The following FUT8 variants were observed in gnomAD, a reference collection of about 807,000 sequenced individuals.
FUT8 encodes the protein alpha-(1,6)-fucosyltransferase.
Under a neutral mutation model 71.3 loss-of-function variants are expected in FUT8, and 29 were observed. The ratio of observed to expected loss-of-function variants is 0.41; its 90% CI spans 0.30 to 0.55. FUT8 has a LOEUF of 0.55. Among genes scored for constraint, FUT8 ranks in the 20% least tolerant of loss-of-function variants. The probability of loss-of-function intolerance (pLI) is 0.34; values close to 1 mark genes in which losing one functional copy is unlikely to be tolerated. For synonymous variants in FUT8, 254 were observed against 239.3 expected (o/e 1.06, Z -0.57); for missense variants, 544 against 702.1 (o/e 0.77, Z 2.55).
intron 2 of FUT8, among the ~76,000 whole-genome samples, chr14:65,492,284 GC>G (rs1307822527): frequency 6.6e-6 from 1 of 152,126 alleles, no homozygotes; most frequent in Non-Finnish European, 1.5e-5. Context: ...CTTCAGTTTA[GC>G]CTAAAGGTTT....
At chr14:65,596,969 A>G (rs1888013730) in intron 3 of FUT8, among the ~76,000 whole-genome samples, 1 of 152,222 alleles carries the variant, frequency 6.6e-6, no homozygotes, top group African/African-American at 2.4e-5. Flanking sequence ...ATACCATAAA[A>G]TTGTTTACCA....
chr14:65,490,261 A>T (rs555984774), intron 2 of FUT8, among the ~76,000 whole-genome samples: 1 of 152,088 alleles, frequency 6.6e-6, no homozygotes. Context: ...ACTGGAGTCT[A>T]TGTATTTAAC....
intron 8 of FUT8, among the ~76,000 whole-genome samples, chr14:65,723,588 G>C (rs1175122691): frequency 6.6e-6 from 1 of 152,196 alleles, no homozygotes; most frequent in African/African-American, 2.4e-5. Flanking sequence ...CCGTTAAAAG[G>C]TTTGCTGGTC....
chr14:65,706,116 T>TA (rs1894539497), intron 7 of FUT8, among the ~76,000 whole-genome samples: 1 of 152,234 alleles, frequency 6.6e-6, no homozygotes, highest in Admixed American at 6.5e-5. Flanking sequence ...TAAAATAACT[T>TA]AATGAGTAAG....
chr14:65,733,339 T>C lies in FUT8; in HGVS notation c.1368T>C (p.Phe456=). Reference sequence around the variant, plus strand: ...GTGGAGTGATCCTGGATATACATTTTCTCTCTCAGGCAGACTTCCTAGTGT... The same window carrying C: ...GTGGAGTGATCCTGGATATACATTTCCTCTCTCAGGCAGACTTCCTAGTGT... The part of the protein sequence containing the change: ...SLRGVILDIH[F]LSQADFLVCT... Residue 456 remains phenylalanine, a synonymous_variant, in exon 10 of 11, where the codon TTT becomes TTC. Transcript: ENST00000673929. 1 of 1,606,708 alleles carries C rather than the reference T, an allele frequency of 6.2e-7. No homozygotes were observed. The highest frequency in any genetic ancestry group is 1.7e-4 in the Middle Eastern group (1 of 6,030).
chr14:65,739,670 T>C (rs1324934965), intron 10 of FUT8, among the ~76,000 whole-genome samples: 1 of 152,014 alleles, frequency 6.6e-6, no homozygotes, highest in Non-Finnish European at 1.5e-5. Flanking sequence ...AAAAGAAGAC[T>C]GTCAGGTTTA....
chr14:65,729,953 C>T (rs750319905), intron 9 of FUT8, among the ~76,000 whole-genome samples: 27 of 151,856 alleles, frequency 1.8e-4, no homozygotes, highest in East Asian at 5.8e-4. Flanking sequence ...AGTCGTTTCT[C>T]GGGGATTTAA....
At chr14:65,713,021 A>G (rs1894879796) in intron 7 of FUT8, among the ~76,000 whole-genome samples, 1 of 152,058 alleles carries the variant, frequency 6.6e-6, no homozygotes, top group Non-Finnish European at 1.5e-5. Flanking sequence ...GACTTTTTGT[A>G]CCCATTAGCC....
At chr14:65,665,697 G>A (rs774321339) in intron 6 of FUT8, among the ~76,000 whole-genome samples, 2 of 152,178 alleles carry the variant, frequency 1.3e-5, no homozygotes, top group East Asian at 3.9e-4. Flanking sequence ...GCCCATCAGT[G>A]GTAGAATGGC....
At chr14:65,726,011 C>T (rs1180609625) in intron 9 of FUT8, among the ~76,000 whole-genome samples, 3 of 151,862 alleles carry the variant, frequency 2.0e-5, no homozygotes, top group African/African-American at 7.3e-5. Context: ...TGCGCGCATG[C>T]GTGCACACAC....
chr14:65,528,483 C>T (rs935323249), intron 2 of FUT8, among the ~76,000 whole-genome samples: 1 of 152,178 alleles, frequency 6.6e-6, no homozygotes, highest in Non-Finnish European at 1.5e-5. Flanking sequence ...GATTTCCTGA[C>T]CCCTTGAGCT....
At chr14:65,408,605 G>A (rs938898817), upstream of FUT8, among the ~76,000 whole-genome samples, 3 of 152,160 alleles carry the variant, frequency 2.0e-5, no homozygotes, top group East Asian at 3.8e-4. Context: ...AGGAAGGACG[G>A]GAGTGAATGT....
chr14:65,505,548 A>G (rs1010044986), intron 2 of FUT8, among the ~76,000 whole-genome samples: 17 of 151,620 alleles, frequency 1.1e-4, no homozygotes, highest in African/African-American at 3.6e-4. Flanking sequence ...TCATGACCTC[A>G]TGATCTGCCC....
At chr14:65,642,841 A>G (rs1890904948) in intron 6 of FUT8, among the ~76,000 whole-genome samples, 2 of 152,268 alleles carry the variant, frequency 1.3e-5, no homozygotes, top group Middle Eastern at 6.8e-3. Flanking sequence ...TTGATTTTTT[A>G]TATATTGATC....
intron 1 of FUT8, among the ~76,000 whole-genome samples, chr14:65,428,953 C>G (rs1225380098): frequency 1.3e-5 from 2 of 152,098 alleles, no homozygotes; most frequent in African/African-American, 4.8e-5. Flanking sequence ...GCATGACTAT[C>G]ATTGGGAAGG....
intron 6 of FUT8, among the ~76,000 whole-genome samples, chr14:65,658,034 C>A (rs147434779): frequency 5.3e-5 from 8 of 152,150 alleles, no homozygotes; most frequent in African/African-American, 1.7e-4. Flanking sequence ...AAAGAGAAGC[C>A]ATAGACTGAG....
At chr14:65,689,567 C>A (rs1893472767) in intron 7 of FUT8, among the ~76,000 whole-genome samples, 1 of 152,000 alleles carries the variant, frequency 6.6e-6, no homozygotes, top group African/African-American at 2.4e-5. Context: ...GTTACAGAGT[C>A]TCGCTCTGTC....
rs537981211 is a variant in FUT8, at chr14:65,608,786, T to C, written c.204-7192T>C. 5.6e-4 allele frequency among the ~76,000 whole-genome samples: 85 copies of C among 152,166 alleles called. 3 individuals carry two copies. Among genetic ancestry groups the C allele is most frequent in the Middle Eastern group, 3.4e-3 (1 of 294 alleles). ...AAGCAGTGAACCAGGCCAGCCTATA[T>C]AGCTATTGCTGCAGCTGCACAGTCC... On this transcript the variant is annotated intron_variant, in intron 3 of 10. Transcript: ENST00000673929.
the FUT8 span, among the ~76,000 whole-genome samples, chr14:65,377,511 C>T: frequency 2.0e-5 from 3 of 152,114 alleles, no homozygotes; most frequent in East Asian, 5.8e-4. Flanking sequence ...GGAATTCTTT[C>T]CAATTATAGT....
Sources: allele counts gnomAD v4.1 joint callset (sites outside exome capture counted in the v4.1 genomes callset), GRCh38; gene constraint gnomAD v4.1.1; transcripts MANE v1.5; gene names NCBI Gene and HGNC (gene_info 2026-07-23, HGNC 2026-07-21).